The following RBFOX1 variants were observed in gnomAD, a reference collection of about 807,000 sequenced individuals.
The protein encoded by RBFOX1 is RNA binding fox-1 homolog 1.
RBFOX1 carries 8 observed loss-of-function variants against 57.7 expected under a neutral mutation model. The ratio of observed to expected loss-of-function variants is 0.14; its 90% CI spans 0.08 to 0.25. RBFOX1 has a LOEUF of 0.25. Among genes scored for constraint, RBFOX1 ranks in the 10% least tolerant of loss-of-function variants. The pLI is 1.00. For missense variants in RBFOX1, 611 were observed against 548.5 expected (o/e 1.11, Z -1.14); for synonymous variants, 326 against 222.4 (o/e 1.47, Z -4.15).
intron 3 of RBFOX1, among the ~76,000 whole-genome samples, chr16:5,640,576 C>T (rs537307530): frequency 1.3e-5 from 2 of 151,662 alleles, no homozygotes; most frequent in African/African-American, 4.9e-5. Context: ...TATGCACACA[C>T]ATACACAGAT....
At chr16:7,094,921 C>G (rs1465498690) in intron 4 of RBFOX1, among the ~76,000 whole-genome samples, 1 of 152,014 alleles carries the variant, frequency 6.6e-6, no homozygotes, top group African/African-American at 2.4e-5. Flanking sequence ...TCTCTTAATA[C>G]CTGTAGAACA....
chr16:5,443,208 G>A (rs927388330), intron 1 of RBFOX1, among the ~76,000 whole-genome samples: 2 of 152,166 alleles, frequency 1.3e-5, no homozygotes, highest in East Asian at 1.9e-4. Flanking sequence ...AGACTAAGCC[G>A]TGCTCATTTT....
At chr16:7,029,046 C>CTA (rs1225538161) in intron 3 of RBFOX1, among the ~76,000 whole-genome samples, 454 of 45,104 alleles carry the variant, frequency 0.01, 9 homozygotes, top group Middle Eastern at 0.017. Flanking sequence ...AAAAAAAAAG[C>CTA]TATATATATA....
At chr16:5,727,990 T>G (rs2052217618) in intron 3 of RBFOX1, among the ~76,000 whole-genome samples, 1 of 152,204 alleles carries the variant, frequency 6.6e-6, no homozygotes, top group African/African-American at 2.4e-5. Context: ...CCCGGCCTCC[T>G]CTCTCTGTTT....
chr16:6,034,331 CAAAAAAAAAA>C (rs757260576), intron 1 of RBFOX1, among the ~76,000 whole-genome samples: 37 of 37,132 alleles, frequency 1.0e-3, no homozygotes, highest in Middle Eastern at 0.04. Flanking sequence ...GACTGTTGCG[CAAAAAAAAAA>C]AAAAAAAAAA....
chr16:5,889,037 C>T lies in RBFOX1; in HGVS notation c.351+21702C>T, dbSNP rs567840057. Among the ~76,000 whole-genome samples, 9 of 152,166 alleles carry T rather than the reference C, an allele frequency of 5.9e-5. No individual in the cohort carries two copies. In the East Asian group the frequency reaches 9.7e-4, roughly 16 times the overall value. On this transcript the variant is annotated intron_variant, in intron 4 of 19. Coordinates refer to the RBFOX1 transcript ENST00000641259. ...TGGCCAAATAATATATTGATCACCA[C>T]ACGCTCTTCAATAAAAATGTCACTA... is the stretch of plus-strand genomic sequence containing the variant.
At chr16:6,840,279 T>C (rs1447184660) in intron 3 of RBFOX1, among the ~76,000 whole-genome samples, 1 of 152,066 alleles carries the variant, frequency 6.6e-6, no homozygotes, top group Non-Finnish European at 1.5e-5. Context: ...TGAAAGACCT[T>C]CCGAAAAATG....
intron 2 of RBFOX1, among the ~76,000 whole-genome samples, chr16:5,478,849 A>T (rs1236120277): frequency 6.6e-6 from 1 of 152,104 alleles, no homozygotes; most frequent in Non-Finnish European, 1.5e-5. Context: ...GGGCTGCTAT[A>T]TTCCTAAGCT....
Position 5,946,943 on chromosome 16 carries a change from G to A in RBFOX1, c.351+79608G>A, listed in dbSNP as rs927466286. ...CTGTTAGAAGAAAGGCCAGAGCAGTGGCTCACAGCCGTAATCCTAGCACTT... is the reference window on the plus strand; with the variant it reads ...CTGTTAGAAGAAAGGCCAGAGCAGTAGCTCACAGCCGTAATCCTAGCACTT... On this transcript the variant is annotated intron_variant, in intron 4 of 19. Transcript: ENST00000641259. The surrounding 1 kb of genome is among the most constrained non-coding windows in gnomAD (Gnocchi z 4.6). 6.6e-6 allele frequency among the ~76,000 whole-genome samples: 1 copy of A among 152,162 alleles called. No individual in the cohort carries two copies. The highest frequency in any genetic ancestry group is 2.4e-5 in the African/African-American group (1 of 41,430).
At chr16:6,366,163 T>C (rs2089577122) in intron 2 of RBFOX1, among the ~76,000 whole-genome samples, 2 of 151,928 alleles carry the variant, frequency 1.3e-5, no homozygotes, top group South Asian at 4.1e-4. Context: ...AGAAAATATA[T>C]ATTTATACCT....
At chr16:6,468,520 C>G (rs2095102550) in intron 2 of RBFOX1, among the ~76,000 whole-genome samples, 1 of 152,114 alleles carries the variant, frequency 6.6e-6, no homozygotes. Context: ...GTCACTCAAA[C>G]TGAAATTGGT....
intron 1 of RBFOX1, among the ~76,000 whole-genome samples, chr16:5,360,024 C>T (rs2065499784): frequency 6.6e-6 from 1 of 152,206 alleles, no homozygotes; most frequent in Non-Finnish European, 1.5e-5. Flanking sequence ...AGTAAGATGT[C>T]CTCTCATGAG....
At chr16:6,578,524 A>G (rs1401178459) in intron 2 of RBFOX1, among the ~76,000 whole-genome samples, 1 of 150,718 alleles carries the variant, frequency 6.6e-6, no homozygotes, top group African/African-American at 2.4e-5. Flanking sequence ...CATTTTACTC[A>G]GCACAAGCAT....
At chr16:6,753,498 T>G (rs1411185219) in intron 3 of RBFOX1, among the ~76,000 whole-genome samples, 2 of 152,152 alleles carry the variant, frequency 1.3e-5, no homozygotes, top group Non-Finnish European at 2.9e-5. Flanking sequence ...TGTCCCCCTT[T>G]CATCTCCTAT....
At chr16:7,708,279 G>A (rs940988394) in intron 14 of RBFOX1, among the ~76,000 whole-genome samples, 2 of 152,106 alleles carry the variant, frequency 1.3e-5, no homozygotes, top group Non-Finnish European at 2.9e-5. Context: ...ATATTTAGTA[G>A]GCATTCAGCA....
chr16:5,955,307 AAAAT>A, intron 4 of RBFOX1, among the ~76,000 whole-genome samples: 1 of 25,120 alleles, frequency 4.0e-5, no homozygotes, highest in Non-Finnish European at 6.4e-5. Context: ...AAAATAAAAT[AAAAT>A]AAAATAAAAT....
chr16:6,941,753 C>G (rs1328907466), intron 3 of RBFOX1, among the ~76,000 whole-genome samples: 2 of 152,120 alleles, frequency 1.3e-5, no homozygotes, highest in African/African-American at 2.4e-5. Flanking sequence ...GGTAACTATA[C>G]CAAGCAAGAG....
At chr16:6,180,398 A>G (rs1230907670) in intron 1 of RBFOX1, among the ~76,000 whole-genome samples, 1 of 151,404 alleles carries the variant, frequency 6.6e-6, no homozygotes, top group African/African-American at 2.4e-5. Context: ...TAGGTTATCT[A>G]TTATTTTTGG....
At chr16:6,014,817 A>G (rs2094983293), upstream of RBFOX1, among the ~76,000 whole-genome samples, 2 of 151,300 alleles carry the variant, frequency 1.3e-5, no homozygotes, top group African/African-American at 4.9e-5. Flanking sequence ...ATTGAAAGGT[A>G]TCCTTGGGAG....
Sources: gnomAD v4.1 joint callset for allele counts (sites outside exome capture counted in the v4.1 genomes callset) on GRCh38, gnomAD v4.1.1 for gene constraint, Gnocchi (gnomAD v3.1) non-coding constraint, MANE v1.5 for transcripts, NCBI Gene and HGNC (gene_info 2026-07-23, HGNC 2026-07-21) for gene names.